The following ASAP2 variants were observed in gnomAD, a reference collection of about 807,000 sequenced individuals.
ASAP2 encodes the protein ArfGAP with SH3 domain, ankyrin repeat and PH domain 2, also known as arf-GAP with SH3 domain, ANK repeat and PH domain-containing protein 2.
In ASAP2, 45 loss-of-function variants were observed where a neutral mutation model predicts 131.4. The observed-to-expected ratio is 0.34, with a 90% CI of 0.27 to 0.44. The LOEUF (loss-of-function observed/expected upper bound fraction) is 0.44, where lower values mean the gene tolerates loss of function less well. ASAP2 is among the 20% of genes least tolerant of loss of function. ASAP2 has a pLI of 1.00. For synonymous variants in ASAP2, 510 were observed against 503.0 expected (o/e 1.01, Z -0.19); for missense variants, 1,011 against 1,297.0 (o/e 0.78, Z 3.39).
chr2:9,400,265 T>TGCCCCC (rs1676536470), intron 25 of ASAP2, among the ~76,000 whole-genome samples, 193 bp downstream of exon 25: 1 of 30,574 alleles, frequency 3.3e-5, no homozygotes, highest in African/African-American at 5.4e-4. Context: ...TCCTGCCCTC[T>TGCCCCC]TCCTCTCCTT....
intron 14 of ASAP2, among the ~76,000 whole-genome samples, chr2:9,356,621 A>C (rs796459824): frequency 1.2e-4 from 18 of 152,268 alleles, no homozygotes; most frequent in African/African-American, 4.3e-4. Context: ...AGAAATGAAA[A>C]CTGAAGGGTA....
chr2:9,319,466 G>T (rs1399193115), intron 4 of ASAP2, among the ~76,000 whole-genome samples: 1 of 152,236 alleles, frequency 6.6e-6, no homozygotes, highest in Non-Finnish European at 1.5e-5. Context: ...GAACAGGTCA[G>T]CGGAGTTAGC....
At chr2:9,264,682 G>A (rs566065301) in intron 1 of ASAP2, among the ~76,000 whole-genome samples, 2 of 152,224 alleles carry the variant, frequency 1.3e-5, no homozygotes, top group South Asian at 2.1e-4. Context: ...CTAGGTGCGC[G>A]CTATAACTAA....
At chr2:9,322,797 C>T (rs894527150) in intron 5 of ASAP2, among the ~76,000 whole-genome samples, 51 of 152,122 alleles carry the variant, frequency 3.4e-4, no homozygotes, top group Admixed American at 1.8e-3. Context: ...TCAGACGGTG[C>T]CCTTGGGTTA....
At chr2:9,390,049 C>G (rs1322096565) in intron 22 of ASAP2, among the ~76,000 whole-genome samples, 1 of 152,224 alleles carries the variant, frequency 6.6e-6, no homozygotes, top group Non-Finnish European at 1.5e-5. Flanking sequence ...TTTTGTTCCA[C>G]TGGGTCATGG....
intron 1 of ASAP2, among the ~76,000 whole-genome samples, chr2:9,227,311 G>A (rs1662846231): frequency 1.3e-5 from 2 of 152,172 alleles, no homozygotes; most frequent in Non-Finnish European, 2.9e-5. Flanking sequence ...GCCCTGCAGT[G>A]CCTGACGCAT....
intron 1 of ASAP2, among the ~76,000 whole-genome samples, chr2:9,254,254 T>TATATTATATATAC (rs1553297027): frequency 4.6e-5 from 3 of 65,764 alleles, no homozygotes; most frequent in African/African-American, 1.5e-4. Flanking sequence ...TATATATATA[T>TATATTATATATAC]ACACGTGTGT....
At chr2:9,391,022 G>A (rs1675674836) in intron 22 of ASAP2, 40 bp from the exon 23 acceptor site, 26 of 1,613,826 alleles carry the variant, frequency 1.6e-5, no homozygotes, top group Non-Finnish European at 2.2e-5. Context: ...GCACGTGTAT[G>A]TGTGCGTGCA....
chr2:9,368,620 T>A (rs1673671068), intron 16 of ASAP2, 101 bp downstream of exon 16: 2 of 948,014 alleles, frequency 2.1e-6, no homozygotes, highest in African/African-American at 3.2e-5. Context: ...CATCCATCGT[T>A]GCTTCTTTAG....
At position 9,379,035 on chromosome 2, in the gene ASAP2, C is replaced by T. The variant is rs750088370; in HGVS notation, c.1924C>T (p.Arg642Trp). 3.2e-6 allele frequency: 5 copies of T among 1,572,612 alleles called. No homozygotes were observed. Among genetic ancestry groups the T allele is most frequent in the South Asian group, 1.2e-5 (1 of 85,128 alleles). The change falls in exon 19 of 28, where the codon CGG (arginine) becomes TGG (tryptophan). Residue 642 changes from arginine to tryptophan, a missense_variant. This residue lies in a region of ASAP2 where 652 missense variants were observed against 698.9 expected (regional missense o/e 0.93). Transcript: ENST00000281419. Reference protein sequence around the residue: ...DNAECLKLLLRGKASIEIANE... With the variant: ...DNAECLKLLLWGKASIEIANE... Reference sequence around the variant, plus strand: ...TGCCGAGTGCCTCAAGTTGCTCCTGCGGGGGAAGGCCTCCATCGAGATAGG... The same window carrying T: ...TGCCGAGTGCCTCAAGTTGCTCCTGTGGGGGAAGGCCTCCATCGAGATAGG...
At position 9,392,914 on chromosome 2, in the gene ASAP2, G is replaced by A. The variant is rs550495685; in HGVS notation, c.2519-568G>A. Among the ~76,000 whole-genome samples, 5 of 152,258 alleles carry A rather than the reference G, an allele frequency of 3.3e-5. No individual in the cohort carries two copies. The highest frequency in any genetic ancestry group is 2.1e-4 in the South Asian group (1 of 4,818). Reference sequence around the variant, plus strand: ...TCTTACCAGCTCTGCCACCCTTGACGAGAGCTCTTCCCCTCCGTGGGCCTC... The same window carrying A: ...TCTTACCAGCTCTGCCACCCTTGACAAGAGCTCTTCCCCTCCGTGGGCCTC... On this transcript the variant is annotated intron_variant, in intron 23 of 27. Coordinates refer to ENST00000281419, the MANE Select transcript of ASAP2 (RefSeq NM_003887.3). This position sits in a 1 kb window ranked among gnomAD's most constrained non-coding sequence, Gnocchi z 4.0.
At chr2:9,366,201 T>C (rs1046719649) in intron 15 of ASAP2, among the ~76,000 whole-genome samples, 13 of 152,042 alleles carry the variant, frequency 8.6e-5, no homozygotes, top group African/African-American at 2.9e-4. Context: ...TTCTCTAGCA[T>C]TGGATGAGTG....
chr2:9,299,654 G>T (rs755322380), intron 3 of ASAP2, among the ~76,000 whole-genome samples: 14 of 152,214 alleles, frequency 9.2e-5, no homozygotes, highest in Non-Finnish European at 1.5e-4. Context: ...CTAGAAAGCA[G>T]CCAGCCCAGG....
chr2:9,263,047 TCAC>T (rs1289011507), intron 1 of ASAP2, among the ~76,000 whole-genome samples: 35 of 152,192 alleles, frequency 2.3e-4, no homozygotes, highest in Non-Finnish European at 4.9e-4. Context: ...CAGCTGAAGG[TCAC>T]CTTCCCAGAC....
At chr2:9,335,359 T>C (rs1422710885) in intron 9 of ASAP2, among the ~76,000 whole-genome samples, 180 bp downstream of exon 9, 1 of 152,246 alleles carries the variant, frequency 6.6e-6, no homozygotes, top group African/African-American at 2.4e-5. Flanking sequence ...TTTTAAAATA[T>C]GTTTATTTCA....
rs796253883 is a variant in ASAP2, at chr2:9,316,292, G to C, written c.346-2232G>C. 2.2e-4 allele frequency among the ~76,000 whole-genome samples: 33 copies of C among 151,896 alleles called. 1 individual carries two copies. Among genetic ancestry groups the C allele is most frequent in the African/African-American group, 6.5e-4 (27 of 41,444 alleles). ...CCCTCCAACCTGGGCGACACAGTGA[G>C]ACCCTGTTTCAAAAAAAAAGAAAAA... On this transcript the variant is annotated intron_variant, in intron 3 of 27. Coordinates refer to ENST00000281419, the MANE Select transcript of ASAP2 (RefSeq NM_003887.3).
chr2:9,370,381 C>T (rs1210762546), intron 16 of ASAP2, among the ~76,000 whole-genome samples: 1 of 152,146 alleles, frequency 6.6e-6, no homozygotes, highest in African/African-American at 2.4e-5. Flanking sequence ...TTTGTGGTGT[C>T]GCATTTCCTT....
At chr2:9,402,157 G>A (rs10186062) in intron 27 of ASAP2, among the ~76,000 whole-genome samples, 35,112 of 152,164 alleles carry the variant, frequency 0.23, 6,871 homozygotes, top group African/African-American at 0.54. Flanking sequence ...TGTCGAGTGC[G>A]AGGAGTTTGG....
At chr2:9,344,410 T>G in intron 9 of ASAP2, 122 bp from the exon 10 acceptor site, 1 of 741,458 alleles carries the variant, frequency 1.3e-6, no homozygotes, top group South Asian at 1.9e-5. Context: ...GAAAGGGAAA[T>G]TTCTCCAATT....
Sources: allele counts gnomAD v4.1 joint callset (sites outside exome capture counted in the v4.1 genomes callset), GRCh38; gene constraint gnomAD v4.1.1; regional missense constraint gnomAD v4.1.1; non-coding constraint Gnocchi (gnomAD v3.1); transcripts MANE v1.5; gene names NCBI Gene and HGNC (gene_info 2026-07-23, HGNC 2026-07-21).